The following MOB4 variants were observed in gnomAD, a reference collection of about 807,000 sequenced individuals.
MOB4 encodes MOB family member 4, phocein.
In MOB4, 4 loss-of-function variants were observed where a neutral mutation model predicts 32.2. The observed-to-expected ratio is 0.12, with a 90% confidence interval of 0.06 to 0.28. The LOEUF is 0.28. Among genes scored for constraint, MOB4 ranks in the 10% least tolerant of loss-of-function variants. The probability of loss-of-function intolerance (pLI) is 1.00; values close to 1 mark genes in which losing one functional copy is unlikely to be tolerated. For synonymous variants in MOB4, 88 were observed against 88.1 expected (o/e 1.00, Z 0.01); for missense variants, 158 against 271.2 (o/e 0.58, Z 2.93).
chr2:197,549,327 C>A (rs958645140), intron 6 of MOB4, among the ~76,000 whole-genome samples: 1 of 151,980 alleles, frequency 6.6e-6, no homozygotes, highest in Admixed American at 6.6e-5. Flanking sequence ...AATATATTAT[C>A]GGTGAAGTTT....
At chr2:197,521,804 C>CA (rs2106105111) in intron 1 of MOB4, among the ~76,000 whole-genome samples, 1 of 152,314 alleles carries the variant, frequency 6.6e-6, no homozygotes, top group Admixed American at 6.5e-5. Context: ...ATTCCCTGAA[C>CA]AATTGCTGTT....
intron 1 of MOB4, among the ~76,000 whole-genome samples, chr2:197,521,820 G>A (rs955908185): frequency 3.9e-5 from 6 of 152,182 alleles, no homozygotes; most frequent in African/African-American, 9.7e-5. Context: ...CTGTTATCCT[G>A]TTCTTTTTCC....
chr2:197,528,778 G>A (rs1419939259), intron 2 of MOB4, among the ~76,000 whole-genome samples: 1 of 151,254 alleles, frequency 6.6e-6, no homozygotes, highest in African/African-American at 2.4e-5. Flanking sequence ...ATCACCCCCG[G>A]CTAATTTTTT....
rs141118368 is a variant in MOB4 at position 197,532,208 on chromosome 2, C to G, written c.124-3322C>G. On this transcript the variant is annotated intron_variant, in intron 2 of 7. Coordinates refer to ENST00000323303, the MANE Select transcript of MOB4 (RefSeq NM_015387.5). The stretch of plus-strand genomic sequence containing the variant: ...ACAGGAGTGAGCCATTGTGACTGGC[C>G]AAAATGGCATTTTTGTTTTATTTCT... 1.8e-3 allele frequency among the ~76,000 whole-genome samples: 279 copies of G among 152,208 alleles called. 1 individual carries two copies. Among genetic ancestry groups the G allele is most frequent in the African/African-American group, 6.1e-3 (252 of 41,524 alleles).
intron 5 of MOB4, among the ~76,000 whole-genome samples, chr2:197,546,073 T>A (rs2087585687): frequency 6.6e-6 from 1 of 152,218 alleles, no homozygotes. Flanking sequence ...TTTTAATTTT[T>A]ATTTTTGAGA....
intron 2 of MOB4, among the ~76,000 whole-genome samples, chr2:197,533,168 A>G (rs1448574839): frequency 6.6e-6 from 1 of 152,186 alleles, no homozygotes; most frequent in African/African-American, 2.4e-5. Flanking sequence ...GAATAGACAG[A>G]TTGCTAATAT....
At position 197,552,821 on chromosome 2, in the gene MOB4, G is replaced by GT. The variant is rs1429648990; in HGVS notation, c.*2176dup. On this transcript the variant is annotated 3_prime_UTR_variant, in exon 8 of 8. Transcript: ENST00000323303. The stretch of plus-strand genomic sequence containing the variant: ...CCTGGCAAACCATTGATTTATAAAA[G>GT]TAAGTGTTCTAAGAGGGGAACAAGA... 3.9e-5 allele frequency: 6 copies of GT among 152,270 alleles called. No individual in the cohort carries two copies. Among genetic ancestry groups the GT allele is most frequent in the Admixed American group, 3.9e-4 (6 of 15,270 alleles). The allele number at this position is 152,270 out of a possible 1,614,324, so 9.4% of individuals were successfully genotyped here. A position where few individuals can be genotyped will look rare whatever the true frequency, so the allele number is the denominator to read the frequency against.
At position 197,535,545 on chromosome 2, in the gene MOB4, A is replaced by G. The variant is rs772379044; in HGVS notation, c.139A>G (p.Ile47Val). Residue 47 changes from isoleucine to valine, a missense_variant, in exon 3 of 8, where the codon ATA becomes GTA. Physicochemically the swap from Ile to Val is conservative, Grantham distance 29. This residue lies in a region of MOB4 where 25 missense variants were observed against 70.9 expected (regional missense o/e 0.35). Coordinates refer to ENST00000323303, the MANE Select transcript of MOB4 (RefSeq NM_015387.5). ...TTGTTTTTAGTATATTCAACAGAAC[A>G]TAAGAGCAGATTGCTCCAATATTGA... ...LAVQQYIQQN[I>V]RADCSNIDKI... 3.7e-6 allele frequency: 6 copies of G among 1,609,438 alleles called. No homozygotes were observed. The Admixed American group carries it at 8.6e-5, about 23-fold the overall frequency.
intron 2 of MOB4, among the ~76,000 whole-genome samples, chr2:197,530,407 A>G (rs1574635315): frequency 6.6e-6 from 1 of 150,900 alleles, no homozygotes. Context: ...AGCTATGACT[A>G]CAGGAGCACA....
intron 1 of MOB4, among the ~76,000 whole-genome samples, chr2:197,519,350 C>G (rs894828553): frequency 6.6e-6 from 1 of 152,226 alleles, no homozygotes; most frequent in African/African-American, 2.4e-5. Context: ...ATATAGTCAT[C>G]ATTGGTGTCC....
At chr2:197,535,779 C>A in intron 3 of MOB4, 149 bp downstream of exon 3, 1 of 791,300 alleles carries the variant, frequency 1.3e-6, no homozygotes, top group Non-Finnish European at 2.0e-6. Flanking sequence ...ACAAGGTTCT[C>A]AGCTTTCTTC....
intron 1 of MOB4, among the ~76,000 whole-genome samples, chr2:197,518,565 T>G (rs2106100328): frequency 6.6e-6 from 1 of 150,778 alleles, no homozygotes; most frequent in East Asian, 2.0e-4. Context: ...CCTGGAGGTT[T>G]TTTTTTTTTG....
chr2:197,540,474 T>C (rs2086878048), intron 5 of MOB4, 37 bp downstream of exon 5: 1 of 1,525,470 alleles, frequency 6.6e-7, no homozygotes, highest in Non-Finnish European at 8.8e-7. Flanking sequence ...AATAAAATTA[T>C]TATAGCCTAA....
chr2:197,521,071 CA>C (rs1008505254), intron 1 of MOB4, among the ~76,000 whole-genome samples: 4 of 152,048 alleles, frequency 2.6e-5, no homozygotes, highest in East Asian at 1.9e-4. Flanking sequence ...ATAATCACAT[CA>C]GGGGGGTAAA....
At chr2:197,531,703 C>T (rs2086708297) in intron 2 of MOB4, among the ~76,000 whole-genome samples, 1 of 151,852 alleles carries the variant, frequency 6.6e-6, no homozygotes. Context: ...TGCCACCATG[C>T]CCGGCTAATT....
At chr2:197,530,751 C>T (rs1257034304) in intron 2 of MOB4, among the ~76,000 whole-genome samples, 1 of 152,056 alleles carries the variant, frequency 6.6e-6, no homozygotes, top group Non-Finnish European at 1.5e-5. Flanking sequence ...CAGGCATGCA[C>T]CACCATGCCT....
chr2:197,538,166 T>C (rs2086835380), intron 3 of MOB4, among the ~76,000 whole-genome samples: 1 of 151,606 alleles, frequency 6.6e-6, no homozygotes, highest in African/African-American at 2.4e-5. Flanking sequence ...TAAGAAAACA[T>C]TTATCTCCCT....
Position 197,540,172 on chromosome 2 carries a change from CA to C in MOB4, c.267+22del. 6.2e-7 allele frequency: 1 copy of C among 1,600,566 alleles called. No individual in the cohort carries two copies. ...ACTTCAGGTAATATTTTCTTTAAGT[CA>C]AAGTTATAATTGAAAGTTCTGATTT... On this transcript the variant is annotated intron_variant, in intron 4 of 7. Transcript: ENST00000323303.
chr2:197,519,753 A>T (rs899662132), intron 1 of MOB4, among the ~76,000 whole-genome samples: 1 of 152,216 alleles, frequency 6.6e-6, no homozygotes, highest in Non-Finnish European at 1.5e-5. Context: ...GGCCAACTGT[A>T]CATGTGTTTT....
Sources: allele counts gnomAD v4.1 joint callset (sites outside exome capture counted in the v4.1 genomes callset), GRCh38; gene constraint gnomAD v4.1.1; regional missense constraint gnomAD v4.1.1; transcripts MANE v1.5; gene names NCBI Gene and HGNC (gene_info 2026-07-23, HGNC 2026-07-21).